RAPGEF6: variants seen among roughly 807,000 people sequenced by gnomAD.
RAPGEF6 encodes the protein Rap guanine nucleotide exchange factor 6.
In RAPGEF6, 56 loss-of-function variants were observed where a neutral mutation model predicts 171.4. That is an observed-to-expected ratio of 0.33 (90% CI 0.26 to 0.41). RAPGEF6 has a LOEUF of 0.41. Among genes scored for constraint, RAPGEF6 ranks in the 10% least tolerant of loss-of-function variants. RAPGEF6 has a pLI of 1.00. For missense variants in RAPGEF6, 1,674 were observed against 1,921.4 expected (o/e 0.87, Z 2.41); for synonymous variants, 692 against 650.1 (o/e 1.06, Z -0.98).
rs543839829 is a variant in RAPGEF6 at position 131,444,354 on chromosome 5, T to C, written c.3422-1817A>G. Among the ~76,000 whole-genome samples, 4 of 152,308 alleles carry C rather than the reference T, an allele frequency of 2.6e-5. No homozygotes were observed. In the East Asian group the frequency reaches 7.7e-4, roughly 29 times the overall value. On this transcript the variant is annotated intron_variant, in intron 22 of 27. Transcript: ENST00000509018. ...AATACTTTCATCCTTCTCTCATTGATTGGTAAATGCTAATCAATGACATCT... is the reference window on the plus strand; with the variant it reads ...AATACTTTCATCCTTCTCTCATTGACTGGTAAATGCTAATCAATGACATCT...
intron 17 of RAPGEF6, among the ~76,000 whole-genome samples, chr5:131,465,410 G>C (rs772002057): frequency 2.6e-5 from 4 of 152,024 alleles, no homozygotes; most frequent in Non-Finnish European, 4.4e-5. Flanking sequence ...TAAGTGAAAA[G>C]TGACTTTATA....
Position 131,509,718 on chromosome 5 carries a change from G to A in RAPGEF6, c.805+596C>T, listed in dbSNP as rs552253818. 2.0e-5 allele frequency among the ~76,000 whole-genome samples: 3 copies of A among 152,268 alleles called. No individual in the cohort carries two copies. The South Asian group carries it at 6.2e-4, about 32-fold the overall frequency. On this transcript the variant is annotated intron_variant, in intron 8 of 27. Transcript: ENST00000509018. ...ACATGAAGGGAAAAATCAGTTTAATGCAATCAAAGCTTTTATTTTATATAT... is the reference window on the plus strand; with the variant it reads ...ACATGAAGGGAAAAATCAGTTTAATACAATCAAAGCTTTTATTTTATATAT...
chr5:131,430,623 G>A (rs548544779), intron 26 of RAPGEF6: 1 of 647,060 alleles, frequency 1.5e-6, no homozygotes, highest in Non-Finnish European at 2.8e-6. Flanking sequence ...AAACAAACTT[G>A]TCCCTCTAAT....
At chr5:131,470,009 T>C (rs1290534885) in intron 17 of RAPGEF6, among the ~76,000 whole-genome samples, 1 of 152,182 alleles carries the variant, frequency 6.6e-6, no homozygotes, top group African/African-American at 2.4e-5. Context: ...ACATATGTGA[T>C]GTACATGGCT....
Position 131,592,364 on chromosome 5 carries a change from A to T in RAPGEF6, c.281+19T>A. ...GTTTAACATTAACTTTGCCTGCCAT[A>T]TAGCAAATGTAAACGTACCTGCAAG... On this transcript the variant is annotated intron_variant, in intron 4 of 27. Transcript: ENST00000509018. The T allele has an allele frequency of 6.2e-7, 1 of 1,611,288 alleles. No homozygotes were observed. Among genetic ancestry groups the T allele is most frequent in the Non-Finnish European group, 8.5e-7 (1 of 1,178,382 alleles).
intron 21 of RAPGEF6, among the ~76,000 whole-genome samples, chr5:131,449,196 T>C (rs2149819415): frequency 6.6e-6 from 1 of 152,326 alleles, no homozygotes; most frequent in East Asian, 1.9e-4. Context: ...ATAGATGATA[T>C]ATAAGATCTT....
At chr5:131,622,501 T>C (rs1316962107) in intron 1 of RAPGEF6, among the ~76,000 whole-genome samples, 1 of 152,228 alleles carries the variant, frequency 6.6e-6, no homozygotes, top group Non-Finnish European at 1.5e-5. Flanking sequence ...ATTAAAATAG[T>C]GGAGAATGTG....
rs564903896 is a variant in RAPGEF6 at position 131,425,565 on chromosome 5, T to A, written c.*1701A>T. On this transcript the variant is annotated 3_prime_UTR_variant, in exon 28 of 28. Coordinates refer to ENST00000509018, the MANE Select transcript of RAPGEF6 (RefSeq NM_016340.6). ...CTCATTCTATCATACCTGCGATTAA[T>A]TTCTAAGGCTTAAGTTTCAGATTAA... 2 of 152,368 alleles carry A rather than the reference T, an allele frequency of 1.3e-5. No individual in the cohort carries two copies. Among genetic ancestry groups the A allele is most frequent in the Non-Finnish European group, 1.5e-5 (1 of 68,036 alleles). 9.4% of individuals were successfully genotyped at this position (152,368 alleles called of 1,614,324 possible).
chr5:131,451,366 T>C (rs1753057042), intron 21 of RAPGEF6, among the ~76,000 whole-genome samples: 1 of 151,794 alleles, frequency 6.6e-6, no homozygotes, highest in African/African-American at 2.4e-5. Context: ...TGTGAATTGC[T>C]TGAGTCCAGG....
intron 6 of RAPGEF6, among the ~76,000 whole-genome samples, chr5:131,543,594 A>C (rs1379575556): frequency 6.6e-6 from 1 of 152,224 alleles, no homozygotes; most frequent in Non-Finnish European, 1.5e-5. Context: ...TAAAAATTTC[A>C]ACAACCACCC....
chr5:131,535,183 C>T (rs547818802), intron 6 of RAPGEF6, among the ~76,000 whole-genome samples: 15 of 152,180 alleles, frequency 9.9e-5, no homozygotes, highest in Admixed American at 7.2e-4. Flanking sequence ...ATAGTATCTT[C>T]GATTCCAGGG....
intron 12 of RAPGEF6, 139 bp downstream of exon 12, chr5:131,498,304 T>C (rs149030978): frequency 7.7e-6 from 6 of 779,998 alleles, no homozygotes; most frequent in African/African-American, 3.5e-5. Flanking sequence ...AGAATGTTTA[T>C]ACTGATGGTT....
chr5:131,605,858 A>G (rs1430456475), intron 1 of RAPGEF6, among the ~76,000 whole-genome samples: 1 of 151,814 alleles, frequency 6.6e-6, no homozygotes, highest in Non-Finnish European at 1.5e-5. Flanking sequence ...GTGAAACTCC[A>G]TCTCTACTAA....
At chr5:131,623,121 C>A (rs1398212476) in intron 1 of RAPGEF6, among the ~76,000 whole-genome samples, 1 of 152,198 alleles carries the variant, frequency 6.6e-6, no homozygotes, top group Non-Finnish European at 1.5e-5. Flanking sequence ...TAACACCTAG[C>A]AGAGCATGAA....
In RAPGEF6 at chr5:131,472,561, A is replaced by G. The variant is rs191935401; in HGVS notation, c.2239+26T>C. ...TTTGTTCATTTGGTACCAATACGGC[A>G]ATATAAAATCACATATGAAAATTAC... On this transcript the variant is annotated intron_variant, in intron 17 of 27. Coordinates refer to ENST00000509018, the MANE Select transcript of RAPGEF6 (RefSeq NM_016340.6). The G allele has an allele frequency of 8.1e-6, 13 of 1,603,062 alleles. No individual in the cohort carries two copies. The Admixed American group carries it at 1.2e-4, about 14-fold the overall frequency.
intron 21 of RAPGEF6, among the ~76,000 whole-genome samples, chr5:131,449,547 G>T (rs1249855188): frequency 1.3e-5 from 2 of 152,176 alleles, no homozygotes; most frequent in East Asian, 3.9e-4. Context: ...TGTGGCATTT[G>T]AATAAAAGAA....
At position 131,425,112 on chromosome 5, in the gene RAPGEF6, C is replaced by A. The variant is rs746704270; in HGVS notation, c.*2154G>T. 8 of 152,266 alleles carry A rather than the reference C, an allele frequency of 5.3e-5. No individual in the cohort carries two copies. The highest frequency in any genetic ancestry group is 1.2e-4 in the Non-Finnish European group (8 of 68,028). The allele number at this position is 152,266 out of a possible 1,614,324, so 9.4% of individuals were successfully genotyped here. ...AATGTGATCAGCTGATCTGAACACTCACAGTTAAAGCTAGATAGATAAAAC... is the reference window on the plus strand; with the variant it reads ...AATGTGATCAGCTGATCTGAACACTAACAGTTAAAGCTAGATAGATAAAAC... On this transcript the variant is annotated 3_prime_UTR_variant, in exon 28 of 28. Coordinates refer to ENST00000509018, the MANE Select transcript of RAPGEF6 (RefSeq NM_016340.6).
intron 22 of RAPGEF6, 73 bp downstream of exon 22, chr5:131,446,410 G>T: frequency 7.3e-7 from 1 of 1,370,088 alleles, no homozygotes; most frequent in African/African-American, 1.4e-5. Flanking sequence ...TGGGACTTAG[G>T]TATAATTCTA....
chr5:131,600,048 A>AT (rs571626503), intron 3 of RAPGEF6, among the ~76,000 whole-genome samples: 52 of 151,532 alleles, frequency 3.4e-4, no homozygotes, highest in African/African-American at 5.3e-4. Flanking sequence ...ACTTTCCCGC[A>AT]TTTTTTTTTG....
Sources: allele counts gnomAD v4.1 joint callset (sites outside exome capture counted in the v4.1 genomes callset), GRCh38; gene constraint gnomAD v4.1.1; transcripts MANE v1.5; gene names NCBI Gene and HGNC (gene_info 2026-07-23, HGNC 2026-07-21).